The following DEAF1 variants were observed in gnomAD, a reference collection of about 807,000 sequenced individuals.
The protein encoded by DEAF1 is DEAF1 transcription factor, also known as deformed epidermal autoregulatory factor 1 homolog.
DEAF1 carries 53 observed loss-of-function variants against 58.9 expected under a neutral mutation model. The ratio of observed to expected loss-of-function variants is 0.90; its 90% CI spans 0.72 to 1.13. The LOEUF (loss-of-function observed/expected upper bound fraction) is 1.13, where lower values mean the gene tolerates loss of function less well. DEAF1 is among the 50% of genes most tolerant of loss of function. The probability of loss-of-function intolerance (pLI) is 0.00; values close to 1 mark genes in which losing one functional copy is unlikely to be tolerated. For synonymous variants in DEAF1, 385 were observed against 340.4 expected, an observed-to-expected ratio of 1.13 and a Z score of -1.44; for missense variants, 685 against 791.4, an observed-to-expected ratio of 0.87 and a Z score of 1.61.
chr11:705,746 C>T (rs1861684934), intron 1 of DEAF1, among the ~76,000 whole-genome samples: 2 of 152,306 alleles, frequency 1.3e-5, no homozygotes, highest in African/African-American at 4.8e-5. Flanking sequence ...GTGCACCTGG[C>T]CCGGCGGAGG....
chr11:663,617 T>G (rs931408368), intron 10 of DEAF1, among the ~76,000 whole-genome samples: 1 of 150,512 alleles, frequency 6.6e-6, no homozygotes, highest in Admixed American at 6.6e-5. Context: ...TCCTCCTCCA[T>G]CTCCTCAGCG....
chr11:692,450 A>C (rs1276100428), intron 1 of DEAF1: 2 of 154,270 alleles, frequency 1.3e-5, no homozygotes, highest in Non-Finnish European at 2.9e-5. Context: ...GAGTTCTAGA[A>C]TGTCCTGTGT....
chr11:673,001 T>G (rs1859896673), intron 10 of DEAF1, among the ~76,000 whole-genome samples: 1 of 151,082 alleles, frequency 6.6e-6, no homozygotes, highest in Non-Finnish European at 1.5e-5. Flanking sequence ...ATACAAAAAT[T>G]AGCCAGGCAT....
intron 1 of DEAF1, chr11:694,555 G>C (rs1379600124): frequency 7.4e-6 from 3 of 403,372 alleles, no homozygotes; most frequent in Non-Finnish European, 1.3e-5. Context: ...CGTGGGGCAG[G>C]TGTGCAGGGC....
At chr11:692,580 CG>C (rs1278268330) in intron 1 of DEAF1, among the ~76,000 whole-genome samples, 3 of 152,072 alleles carry the variant, frequency 2.0e-5, no homozygotes, top group Non-Finnish European at 2.9e-5. Flanking sequence ...CAGCCGGGCG[CG>C]GTGGCTCACG....
At chr11:656,590 TCA>T (rs1379287192) in intron 10 of DEAF1, among the ~76,000 whole-genome samples, 8 of 152,324 alleles carry the variant, frequency 5.3e-5, no homozygotes, top group Middle Eastern at 6.8e-3. Context: ...GTCCAGCCCC[TCA>T]CAGACAGAGG....
Position 665,557 on chromosome 11 carries a change from C to T in DEAF1, c.1503+8979G>A, listed in dbSNP as rs903343319. On this transcript the variant is annotated intron_variant, in intron 10 of 11. Coordinates refer to ENST00000382409, the MANE Select transcript of DEAF1 (RefSeq NM_021008.4). ...TTAAAAGGCTTGGCTGTCTACCAAA[C>T]GGGATTTTAAGGATAAAGGGATTTC... Among the ~76,000 whole-genome samples the T allele has an allele frequency of 1.2e-4, 18 of 152,334 alleles. No individual in the cohort carries two copies. In the East Asian group the frequency reaches 1.7e-3, roughly 15 times the overall value.
At chr11:656,629 G>A (rs1859067792) in intron 10 of DEAF1, among the ~76,000 whole-genome samples, 1 of 152,242 alleles carries the variant, frequency 6.6e-6, no homozygotes, top group Non-Finnish European at 1.5e-5. Flanking sequence ...GCTGGCGGGA[G>A]CGTGGTCACT....
chr11:696,538 G>A (rs746354900), upstream of DEAF1, among the ~76,000 whole-genome samples: 7 of 152,180 alleles, frequency 4.6e-5, no homozygotes, highest in Non-Finnish European at 1.0e-4. Context: ...TGACAGTTTG[G>A]GAAGCCGAGG....
In DEAF1 at chr11:688,790, A is replaced by C. The variant is rs1301652937; in HGVS notation, c.388-330T>G. Reference sequence around the variant, plus strand: ...CCACAAGGTCACCGTCTTCATGCAGAGTTTCCAACAGACCGAGTTGGCCGC... The same window carrying C: ...CCACAAGGTCACCGTCTTCATGCAGCGTTTCCAACAGACCGAGTTGGCCGC... On this transcript the variant is annotated intron_variant, in intron 2 of 11. Transcript: ENST00000382409. This position sits in a 1 kb window ranked among gnomAD's most constrained non-coding sequence, Gnocchi z 4.3. Among the ~76,000 whole-genome samples the C allele has an allele frequency of 1.3e-5, 2 of 152,176 alleles. No homozygotes were observed. Among genetic ancestry groups the C allele is most frequent in the African/African-American group, 4.8e-5 (2 of 41,430 alleles).
Position 681,063 on chromosome 11 carries a change from A to G in DEAF1, c.897T>C (p.Pro299=), listed in dbSNP as rs2133384241. 1.1e-5 allele frequency: 18 copies of G among 1,614,034 alleles called. No homozygotes were observed. The highest frequency in any genetic ancestry group is 1.5e-5 in the Non-Finnish European group (18 of 1,180,008). The change falls in exon 7 of 12, where the codon CCT becomes CCC. Residue 299 remains proline (P), a synonymous_variant. Coordinates refer to ENST00000382409, the MANE Select transcript of DEAF1 (RefSeq NM_021008.4). ...TLSGPVRLFV[P]YKRRKKENEL... is the part of the protein sequence containing the mutation. ...CATTCTCCTTCTTGCGCCTTTTGTA[A>G]GGCACAAAAAGCCTGACTGGGCCAC...
chr11:644,511 G>C lies in DEAF1; in HGVS notation c.*39C>G, dbSNP rs967974359. On this transcript the variant is annotated 3_prime_UTR_variant, in exon 12 of 12. Coordinates refer to ENST00000382409, the MANE Select transcript of DEAF1 (RefSeq NM_021008.4). The surrounding 1 kb of genome is among the most constrained non-coding windows in gnomAD (Gnocchi z 4.3). ...TTCGACCTGCAAAAGCCTCACAGGA[G>C]TGCGAGGGGCCCCAGCTCCCAGGGC... 6.5e-7 allele frequency: 1 copy of C among 1,543,854 alleles called. No homozygotes were observed. Among genetic ancestry groups the C allele is most frequent in the Non-Finnish European group, 8.9e-7 (1 of 1,123,654 alleles).
At chr11:706,227 G>A (rs1165651781) in intron 1 of DEAF1, 1 of 152,020 alleles carries the variant, frequency 6.6e-6, no homozygotes, top group Non-Finnish European at 1.5e-5. Flanking sequence ...GCCGAGGCGC[G>A]AACAGACGGA....
chr11:668,959 G>A (rs1018602594), intron 10 of DEAF1, among the ~76,000 whole-genome samples: 2 of 152,132 alleles, frequency 1.3e-5, no homozygotes, highest in African/African-American at 4.8e-5. Flanking sequence ...CTGAGCAGCT[G>A]GGACTATAGG....
intron 5 of DEAF1, among the ~76,000 whole-genome samples, chr11:685,886 T>C (rs1453520417): frequency 6.6e-6 from 1 of 151,842 alleles, no homozygotes; most frequent in African/African-American, 2.4e-5. Flanking sequence ...GGCTCACGCC[T>C]GTAATCCCAG....
intron 1 of DEAF1, among the ~76,000 whole-genome samples, chr11:700,439 A>G (rs545999820): frequency 1.3e-5 from 2 of 150,910 alleles, no homozygotes; most frequent in African/African-American, 4.9e-5. Context: ...AGGTGGGAGG[A>G]TTGCTTGAAC....
chr11:685,695 C>CA (rs111933571), intron 5 of DEAF1, among the ~76,000 whole-genome samples: 3,965 of 135,534 alleles, frequency 0.029, 57 homozygotes, highest in South Asian at 0.087. Context: ...GCCTTTGCCT[C>CA]AAAAAAAAAA....
intron 6 of DEAF1, among the ~76,000 whole-genome samples, chr11:683,715 A>G (rs1205119816): frequency 6.6e-6 from 1 of 152,198 alleles, no homozygotes; most frequent in African/African-American, 2.4e-5. Context: ...TCAACTTGGG[A>G]AAAAGTCGCA....
chr11:657,603 C>T (rs1332496055), intron 10 of DEAF1, among the ~76,000 whole-genome samples: 1 of 152,196 alleles, frequency 6.6e-6, no homozygotes, highest in Non-Finnish European at 1.5e-5. Flanking sequence ...GAGAAGCAGT[C>T]CTGTCACCAA....
Sources: allele counts gnomAD v4.1 joint callset (sites outside exome capture counted in the v4.1 genomes callset), GRCh38; gene constraint gnomAD v4.1.1; non-coding constraint Gnocchi (gnomAD v3.1); transcripts MANE v1.5; gene names NCBI Gene and HGNC (gene_info 2026-07-23, HGNC 2026-07-21).